Variants in CLCF1 observed in about 807,000 individuals in gnomAD.
The protein encoded by CLCF1 is cardiotrophin like cytokine factor 1, also known as cardiotrophin-like cytokine factor 1.
A neutral mutation model predicts 21.2 loss-of-function variants in CLCF1; 10 were observed. The observed-to-expected ratio is 0.47, with a 90% CI of 0.29 to 0.80. The LOEUF (loss-of-function observed/expected upper bound fraction) is 0.80. Among genes scored for constraint, CLCF1 ranks in the 30% least tolerant of loss-of-function variants. The pLI is 0.09. For synonymous variants in CLCF1, 115 were observed against 120.5 expected (o/e 0.95, Z 0.30); for missense variants, 240 against 293.4 (o/e 0.82, Z 1.33).
At position 67,372,616 on chromosome 11, in the gene CLCF1, CGGCGGGGGCGGGGGCGGG is replaced by C. The variant is rs1209988862; in HGVS notation, c.16+890_16+907del. On this transcript the variant is annotated intron_variant, in intron 1 of 2. Coordinates refer to ENST00000312438, the MANE Select transcript of CLCF1 (RefSeq NM_013246.3). The surrounding 1 kb of genome is among the most constrained non-coding windows in gnomAD (Gnocchi z 5.9). ...CTCCCGCCCGGTCGCTCCTTCCCCG[CGGCGGGGGCGGGGGCGGG>C]GGCGGGGGCGGGGTCCGGGGCACCG... Among the ~76,000 whole-genome samples, 43 of 145,914 alleles carry C rather than the reference CGGCGGGGGCGGGGGCGGG, an allele frequency of 2.9e-4. 1 individual carries two copies. In the Middle Eastern group the frequency reaches 0.018, roughly 62 times the overall value.
chr11:67,371,056 G>C, intron 1 of CLCF1: 1 of 985,402 alleles, frequency 1.0e-6, no homozygotes, highest in Non-Finnish European at 1.2e-6. Flanking sequence ...TAGGCGGGCA[G>C]AGTGGGTGAG....
At chr11:67,373,948 C>G, upstream of CLCF1, 17 of 1,004,058 alleles carry the variant, frequency 1.7e-5, no homozygotes, top group Non-Finnish European at 2.0e-5. Context: ...AGCCGGGGGA[C>G]AGCGCCGGCT....
chr11:67,373,405 A>T, intron 1 of CLCF1, 119 bp downstream of exon 1: 1 of 491,150 alleles, frequency 2.0e-6, no homozygotes, highest in Non-Finnish European at 3.4e-6. Flanking sequence ...CCCCGGCCCG[A>T]GCCCAGCTCC....
At chr11:67,369,460 T>C (rs1051138038) in intron 1 of CLCF1, 1 of 985,308 alleles carries the variant, frequency 1.0e-6, no homozygotes, top group African/African-American at 1.7e-5. Flanking sequence ...TTCCTCACTC[T>C]TCCTTTCTAT....
In CLCF1 at chr11:67,372,243, G is replaced by C. The variant is rs1439429023; in HGVS notation, c.16+1281C>G. Among the ~76,000 whole-genome samples, 1 of 151,858 alleles carries C rather than the reference G, an allele frequency of 6.6e-6. No individual in the cohort carries two copies. The highest frequency in any genetic ancestry group is 2.1e-4 in the South Asian group (1 of 4,816). On this transcript the variant is annotated intron_variant, in intron 1 of 2. Transcript: ENST00000312438. The surrounding 1 kb of genome is among the most constrained non-coding windows in gnomAD (Gnocchi z 5.9). ...TCCAAGGCTTAGCCTCCACCCGCCC[G>C]TCTCCCCTCCTCTCCTGGTAGCCCC...
At chr11:67,366,833 A>G (rs1363496427) in intron 2 of CLCF1, among the ~76,000 whole-genome samples, 2 of 152,008 alleles carry the variant, frequency 1.3e-5, no homozygotes, top group Non-Finnish European at 2.9e-5. Context: ...CCGGTTCCCC[A>G]TGGTCCTCGG....
In CLCF1 at chr11:67,365,932, T is replaced by C. The variant is rs1272743159; in HGVS notation, c.184-302A>G. Reference sequence around the variant, plus strand: ...GCTGATTGGCTGGGTGGGCAAACCTTGGGAGAGTGCCCGCTGTGGGGGCAG... The same window carrying C: ...GCTGATTGGCTGGGTGGGCAAACCTCGGGAGAGTGCCCGCTGTGGGGGCAG... On this transcript the variant is annotated intron_variant, in intron 2 of 2. Transcript: ENST00000312438. The surrounding 1 kb of genome is among the most constrained non-coding windows in gnomAD (Gnocchi z 5.0). 6.6e-6 allele frequency among the ~76,000 whole-genome samples: 1 copy of C among 151,772 alleles called. No homozygotes were observed. Among genetic ancestry groups the C allele is most frequent in the Non-Finnish European group, 1.5e-5 (1 of 67,940 alleles).
At position 67,365,380 on chromosome 11, in the gene CLCF1, C is replaced by A; in HGVS notation, c.434G>T (p.Gly145Val). ...HFCTSLQGLL[G>V]SIAGVMAALG... Reference sequence around the variant, plus strand: ...AGCTGCCATGACGCCCGCAATGCTGCCCAGCAGGCCCTGGAGGCTGGTGCA... The same window carrying A: ...AGCTGCCATGACGCCCGCAATGCTGACCAGCAGGCCCTGGAGGCTGGTGCA... Residue 145 changes from glycine to valine, a missense_variant, in exon 3 of 3, where the codon GGC becomes GTC. By Grantham distance (109) the Gly-to-Val change is moderately radical. Transcript: ENST00000312438. The surrounding 1 kb of genome is among the most constrained non-coding windows in gnomAD (Gnocchi z 5.0). The A allele has an allele frequency of 6.2e-7, 1 of 1,612,874 alleles. No homozygotes were observed. Among genetic ancestry groups the A allele is most frequent in the East Asian group, 2.2e-5 (1 of 44,866 alleles).
intron 2 of CLCF1, among the ~76,000 whole-genome samples, chr11:67,367,175 TCCCCGGCCCCCAGGGGGAGGCGGGCGG>T (rs1862127932): frequency 6.6e-6 from 1 of 151,100 alleles, no homozygotes; most frequent in East Asian, 2.0e-4. Context: ...AGAGGAGACT[TCCCCGGCCCCCAGGGGGAGGCGGGCGG>T]CTGGGCTGGC....
At chr11:67,370,695 G>A (rs1225467912) in intron 1 of CLCF1, 3 of 985,232 alleles carry the variant, frequency 3.0e-6, no homozygotes, top group Non-Finnish European at 3.6e-6. Flanking sequence ...AGGCGCACCC[G>A]TGAGCACATG....
At chr11:67,373,676 GA>G (rs1862286112), upstream of CLCF1, 3 of 1,227,062 alleles carry the variant, frequency 2.4e-6, no homozygotes, top group Non-Finnish European at 3.1e-6. Flanking sequence ...CTCGGTTTCG[GA>G]TTTTTTTTTT....
chr11:67,367,724 T>G, intron 1 of CLCF1, 98 bp from the exon 2 acceptor site: 4 of 1,526,708 alleles, frequency 2.6e-6, no homozygotes, highest in Non-Finnish European at 2.6e-6. Flanking sequence ...TTGGGCTGGG[T>G]GGGGGGTGAG....
In CLCF1 at chr11:67,365,338, G is replaced by A. The variant is rs1262309748; in HGVS notation, c.476C>T (p.Pro159Leu). The A allele has an allele frequency of 6.2e-7, 1 of 1,613,498 alleles. No homozygotes were observed. Among genetic ancestry groups the A allele is most frequent in the Non-Finnish European group, 8.5e-7 (1 of 1,179,964 alleles). Residue 159 changes from proline (P) to leucine (L), a missense_variant, in exon 3 of 3, where the codon CCC becomes CTC. Coordinates refer to ENST00000312438, the MANE Select transcript of CLCF1 (RefSeq NM_013246.3). This position sits in a 1 kb window ranked among gnomAD's most constrained non-coding sequence, Gnocchi z 5.0. ...GVMAALGYPL[P>L]QPLPGTEPTW... is the part of the protein sequence containing the mutation. ...GGGTTCAGTCCCAGGCAGCGGCTGG[G>A]GCAGTGGGTAGCCCAGAGCTGCCAT...
Position 67,364,822 on chromosome 11 carries a change from G to A in CLCF1, c.*314C>T. 1 of 351,678 alleles carries A rather than the reference G, an allele frequency of 2.8e-6. No homozygotes were observed. The highest frequency in any genetic ancestry group is 2.1e-5 in the African/African-American group (1 of 47,962). 21.8% of individuals were successfully genotyped at this position (351,678 alleles called of 1,614,324 possible). A position where few individuals can be genotyped will look rare whatever the true frequency, so the allele number is the denominator to read the frequency against. On this transcript the variant is annotated 3_prime_UTR_variant, in exon 3 of 3. Coordinates refer to ENST00000312438, the MANE Select transcript of CLCF1 (RefSeq NM_013246.3). ...CCACCTGAGGGGCTGGGTGGGCACT[G>A]GCCAAGTGGTAGGCAAGAAGCAGGA...
chr11:67,365,303 G>T lies in CLCF1; in HGVS notation c.511C>A (p.Pro171Thr). 1 of 1,613,898 alleles carries T rather than the reference G, an allele frequency of 6.2e-7. No individual in the cohort carries two copies. The highest frequency in any genetic ancestry group is 8.5e-7 in the Non-Finnish European group (1 of 1,180,042). ...AGGAAGTCACTGTGGGCAGGGCCAGGAGTCCAAGTGGGTTCAGTCCCAGGC... is the reference window on the plus strand; with the variant it reads ...AGGAAGTCACTGTGGGCAGGGCCAGTAGTCCAAGTGGGTTCAGTCCCAGGC... ...PLPGTEPTWT[P>T]GPAHSDFLQK... is the part of the protein sequence containing the mutation. The change falls in exon 3 of 3, where the codon CCT becomes ACT. Residue 171 changes from proline (P) to threonine (T), a missense_variant. Physicochemically the swap from Pro to Thr is conservative, Grantham distance 38. Coordinates refer to ENST00000312438, the MANE Select transcript of CLCF1 (RefSeq NM_013246.3). The surrounding 1 kb of genome is among the most constrained non-coding windows in gnomAD (Gnocchi z 5.0).
Position 67,372,208 on chromosome 11 carries a change from C to T in CLCF1, c.16+1316G>A, listed in dbSNP as rs1467679566. 6.6e-6 allele frequency among the ~76,000 whole-genome samples: 1 copy of T among 152,078 alleles called. No homozygotes were observed. The highest frequency in any genetic ancestry group is 1.5e-5 in the Non-Finnish European group (1 of 67,998). On this transcript the variant is annotated intron_variant, in intron 1 of 2. Coordinates refer to ENST00000312438, the MANE Select transcript of CLCF1 (RefSeq NM_013246.3). The surrounding 1 kb of genome is among the most constrained non-coding windows in gnomAD (Gnocchi z 5.9). Reference sequence around the variant, plus strand: ...GCAGCGTGCCCAGTGCCCCCCACCCCTAGCCTCTCTCCAAGGCTTAGCCTC... The same window carrying T: ...GCAGCGTGCCCAGTGCCCCCCACCCTTAGCCTCTCTCCAAGGCTTAGCCTC...
intron 1 of CLCF1, chr11:67,368,669 A>G: frequency 1.0e-6 from 1 of 985,390 alleles, no homozygotes; most frequent in Non-Finnish European, 1.2e-6. Flanking sequence ...GGGTTACTTT[A>G]AAAGTTTCAG....
At chr11:67,368,494 T>G in intron 1 of CLCF1, 2 of 984,792 alleles carry the variant, frequency 2.0e-6, no homozygotes, top group Non-Finnish European at 2.4e-6. Context: ...GAGGCCAGGG[T>G]TGGGTGCTGT....
At chr11:67,369,260 G>T (rs1019919795) in intron 1 of CLCF1, 43 of 985,234 alleles carry the variant, frequency 4.4e-5, no homozygotes, top group Non-Finnish European at 4.9e-5. Context: ...GTGACTGGCC[G>T]GCTTTACTAA....
Sources: gnomAD v4.1 joint callset for allele counts (sites outside exome capture counted in the v4.1 genomes callset) on GRCh38, gnomAD v4.1.1 for gene constraint, Gnocchi (gnomAD v3.1) non-coding constraint, MANE v1.5 for transcripts, NCBI Gene and HGNC (gene_info 2026-07-23, HGNC 2026-07-21) for gene names.